Variants in C1GALT1 observed in about 807,000 individuals in gnomAD.
C1GALT1 encodes glycoprotein-N-acetylgalactosamine 3-beta-galactosyltransferase 1.
A neutral mutation model predicts 31.0 loss-of-function variants in C1GALT1; 11 were observed. That is an observed-to-expected ratio of 0.36 (90% confidence interval 0.22 to 0.59). C1GALT1 has a LOEUF of 0.59. Ranked by LOEUF, C1GALT1 falls within the 20% of genes least tolerant of loss-of-function variation. The probability of loss-of-function intolerance (pLI) is 0.79; values close to 1 mark genes in which losing one functional copy is unlikely to be tolerated. For missense variants in C1GALT1, 424 were observed against 425.2 expected (o/e 1.00, Z 0.03); for synonymous variants, 175 against 143.6 (o/e 1.22, Z -1.56).
At chr7:7,220,309 T>C (rs961094557) in intron 1 of C1GALT1, among the ~76,000 whole-genome samples, 1 of 152,262 alleles carries the variant, frequency 6.6e-6, no homozygotes, top group Admixed American at 6.5e-5. Context: ...TTAGCTATTT[T>C]TATTTGCTAT....
At chr7:7,223,047 C>T (rs1782585017) in intron 1 of C1GALT1, among the ~76,000 whole-genome samples, 2 of 152,170 alleles carry the variant, frequency 1.3e-5, no homozygotes, top group African/African-American at 4.8e-5. Flanking sequence ...TTTCAGTTGG[C>T]ACCATAATGC....
chr7:7,236,667 G>A (rs148682137), intron 2 of C1GALT1, among the ~76,000 whole-genome samples: 2 of 151,964 alleles, frequency 1.3e-5, no homozygotes, highest in South Asian at 2.1e-4. Flanking sequence ...GATTACAGGC[G>A]CCCACCACTA....
At chr7:7,159,790 T>G (rs558991261) in intron 2 of C1GALT1, among the ~76,000 whole-genome samples, 2 of 152,172 alleles carry the variant, frequency 1.3e-5, no homozygotes, top group Non-Finnish European at 2.9e-5. Flanking sequence ...CATTTTAATG[T>G]GATTCAATTC....
At chr7:7,187,576 A>G (rs1451909227) in intron 1 of C1GALT1, among the ~76,000 whole-genome samples, 1 of 152,242 alleles carries the variant, frequency 6.6e-6, no homozygotes, top group Non-Finnish European at 1.5e-5. Flanking sequence ...TACTACTGGC[A>G]TCTAGTGAGT....
chr7:7,160,718 C>T (rs994427115), intron 2 of C1GALT1, among the ~76,000 whole-genome samples: 3 of 151,902 alleles, frequency 2.0e-5, no homozygotes, highest in East Asian at 1.9e-4. Flanking sequence ...AAATAGAGGG[C>T]GTGTGTCGAA....
chr7:7,222,885 A>C (rs1782569664), intron 1 of C1GALT1, among the ~76,000 whole-genome samples: 1 of 132,880 alleles, frequency 7.5e-6, no homozygotes, highest in African/African-American at 3.2e-5. Context: ...TTCAATCTGT[A>C]TGACAGGTAT....
At chr7:7,242,625 G>C (rs1783683918) in intron 3 of C1GALT1, among the ~76,000 whole-genome samples, 1 of 151,998 alleles carries the variant, frequency 6.6e-6, no homozygotes, top group Non-Finnish European at 1.5e-5. Context: ...ACATTCTCCA[G>C]ATACCAATTC....
intron 2 of C1GALT1, among the ~76,000 whole-genome samples, chr7:7,170,290 C>G (rs1012528348): frequency 1.3e-5 from 2 of 152,096 alleles, no homozygotes; most frequent in African/African-American, 4.8e-5. Context: ...GATCTCTGCT[C>G]TAATCTTTCT....
At chr7:7,196,885 T>C (rs1354699720) in intron 1 of C1GALT1, among the ~76,000 whole-genome samples, 1 of 152,240 alleles carries the variant, frequency 6.6e-6, no homozygotes, top group Non-Finnish European at 1.5e-5. Context: ...CCTGTTCATA[T>C]CCTTTTCCCA....
intron 1 of C1GALT1, among the ~76,000 whole-genome samples, chr7:7,224,776 T>C (rs1286438854): frequency 6.6e-6 from 1 of 152,202 alleles, no homozygotes; most frequent in African/African-American, 2.4e-5. Flanking sequence ...CTCTTTTTTT[T>C]ACATTTTAGG....
At chr7:7,182,480 C>G (rs2128228469), upstream of C1GALT1, 1 of 152,376 alleles carries the variant, frequency 6.6e-6, no homozygotes, top group Middle Eastern at 3.4e-3. Flanking sequence ...GCCGTATCCC[C>G]GCCCACCGCC....
At chr7:7,160,184 G>C (rs1780319162) in intron 2 of C1GALT1, among the ~76,000 whole-genome samples, 1 of 152,022 alleles carries the variant, frequency 6.6e-6, no homozygotes, top group Non-Finnish European at 1.5e-5. Context: ...CGTTCCAATA[G>C]CCTCATGGAA....
chr7:7,235,626 G>C (rs1783301070), intron 2 of C1GALT1, among the ~76,000 whole-genome samples: 1 of 152,146 alleles, frequency 6.6e-6, no homozygotes, highest in African/African-American at 2.4e-5. Context: ...ATGTGTATTA[G>C]ATACATACTT....
At chr7:7,218,477 G>A (rs1026985768) in intron 1 of C1GALT1, among the ~76,000 whole-genome samples, 5 of 152,112 alleles carry the variant, frequency 3.3e-5, no homozygotes, top group Non-Finnish European at 7.4e-5. Context: ...AATGGAAGGA[G>A]AAAAGTGTCA....
intron 1 of C1GALT1, among the ~76,000 whole-genome samples, chr7:7,208,455 A>T (rs945344975): frequency 1.3e-5 from 2 of 152,108 alleles, no homozygotes; most frequent in African/African-American, 4.8e-5. Context: ...CCTGTGGATA[A>T]AGGGGGACTA....
At chr7:7,224,001 CT>C (rs1267346857) in intron 1 of C1GALT1, among the ~76,000 whole-genome samples, 1 of 151,952 alleles carries the variant, frequency 6.6e-6, no homozygotes, top group Admixed American at 6.6e-5. Context: ...AGTATTTTTT[CT>C]GCATCTTTTC....
At chr7:7,194,957 G>C (rs539231497) in intron 1 of C1GALT1, among the ~76,000 whole-genome samples, 1 of 152,020 alleles carries the variant, frequency 6.6e-6, no homozygotes, top group African/African-American at 2.4e-5. Context: ...TAGTTTGTGA[G>C]CATAAAGGGG....
At chr7:7,182,921 C>A (rs942130760) in intron 1 of C1GALT1, 101 bp downstream of exon 1, 3 of 883,682 alleles carry the variant, frequency 3.4e-6, no homozygotes, top group Non-Finnish European at 2.7e-6. Flanking sequence ...AGGATGGAAC[C>A]AAACCCCGGG....
intron 1 of C1GALT1, among the ~76,000 whole-genome samples, chr7:7,215,941 C>T (rs111663289): frequency 0.041 from 6,214 of 152,022 alleles, 287 homozygotes; most frequent in African/African-American, 0.12. Context: ...TGAAGGTGCC[C>T]CAAATAAGGG....
Sources: allele counts gnomAD v4.1 joint callset (sites outside exome capture counted in the v4.1 genomes callset), GRCh38; gene constraint gnomAD v4.1.1; transcripts MANE v1.5; gene names NCBI Gene and HGNC (gene_info 2026-07-23, HGNC 2026-07-21).